SPATA45: variants seen among roughly 807,000 people sequenced by gnomAD.
SPATA45 encodes spermatogenesis associated 45.
Under a neutral mutation model 7.0 loss-of-function variants are expected in SPATA45, and 5 were observed. That is an observed-to-expected ratio of 0.71 (90% confidence interval 0.37 to 1.50). The LOEUF (loss-of-function observed/expected upper bound fraction) is 1.50. Ranked by LOEUF, SPATA45 falls within the 40% of genes most tolerant of loss-of-function variation. SPATA45 has a pLI of 0.03. For missense variants in SPATA45, 111 were observed against 114.9 expected (o/e 0.97, Z 0.16); for synonymous variants, 40 against 38.7 (o/e 1.03, Z -0.13).
At chr1:212,846,153 A>G (rs1037562372) in intron 1 of SPATA45, among the ~76,000 whole-genome samples, 1 of 152,092 alleles carries the variant, frequency 6.6e-6, no homozygotes, top group Non-Finnish European at 1.5e-5. Flanking sequence ...CAATCATTCT[A>G]TACGACAAAT....
rs1172233527 is a variant in SPATA45 at position 212,840,261 on chromosome 1, TTA to T, written c.-38-4076_-38-4075del. Among the ~76,000 whole-genome samples, 10 of 145,274 alleles carry T rather than the reference TTA, an allele frequency of 6.9e-5. No homozygotes were observed. The South Asian group carries it at 2.0e-3, about 30-fold the overall frequency. On this transcript the variant is annotated intron_variant, in intron 1 of 2. Coordinates refer to ENST00000332912, the MANE Select transcript of SPATA45 (RefSeq NM_001024601.3). Reference sequence around the variant, plus strand: ...CCCCGTCTTTACAAAAATACAAAACTTAGCCGGGCGTGGTGGCGCGCACCTGT... The same window carrying T: ...CCCCGTCTTTACAAAAATACAAAACTGCCGGGCGTGGTGGCGCGCACCTGT...
At position 212,830,225 on chromosome 1, in the gene SPATA45, G is replaced by A. The variant is rs1218963039; in HGVS notation, c.*17C>T. 7.9e-6 allele frequency: 12 copies of A among 1,514,338 alleles called. No homozygotes were observed. The highest frequency in any genetic ancestry group is 3.6e-6 in the Non-Finnish European group (4 of 1,099,820). The allele number at this position is 1,514,338 out of a possible 1,614,324, so 93.8% of individuals were successfully genotyped here. On this transcript the variant is annotated 3_prime_UTR_variant, in exon 3 of 3. Coordinates refer to ENST00000332912, the MANE Select transcript of SPATA45 (RefSeq NM_001024601.3). ...AATCAAAGAGAATGTATTTCCGTGT[G>A]TCTCTGGAGATGCACTTTATCCAAA...
chr1:212,830,185 G>A lies in SPATA45; in HGVS notation c.*57C>T. ...TAATTAATAATTTGTAAATAATTTA[G>A]ACACACTGAAGAAGAATCAAAGAGA... On this transcript the variant is annotated 3_prime_UTR_variant, in exon 3 of 3. Coordinates refer to ENST00000332912, the MANE Select transcript of SPATA45 (RefSeq NM_001024601.3). 8.0e-7 allele frequency: 1 copy of A among 1,247,062 alleles called. No individual in the cohort carries two copies. The highest frequency in any genetic ancestry group is 1.5e-5 in the African/African-American group (1 of 66,304). The allele number at this position is 1,247,062 out of a possible 1,614,324, so 77.2% of individuals were successfully genotyped here.
chr1:212,836,066 C>T lies in SPATA45; in HGVS notation c.84G>A (p.Lys28=), dbSNP rs779552198. The change falls in exon 2 of 3, where the codon AAG becomes AAA. Residue 28 remains lysine (K), a synonymous_variant. Coordinates refer to ENST00000332912, the MANE Select transcript of SPATA45 (RefSeq NM_001024601.3). The part of the protein sequence containing the change: ...KQHLLEEINK[K]RESNCLVERS... ...GTTCCACCAAGCAGTTGGATTCACG[C>T]TTTTTGTTTATCTCCTCCAGGAGAT... 9.3e-6 allele frequency: 15 copies of T among 1,610,458 alleles called. No individual in the cohort carries two copies. In the South Asian group the frequency reaches 1.7e-4, roughly 18 times the overall value.
intron 2 of SPATA45, among the ~76,000 whole-genome samples, chr1:212,834,506 A>C (rs1366766222): frequency 6.7e-6 from 1 of 150,090 alleles, no homozygotes; most frequent in African/African-American, 2.4e-5. Context: ...GCTGGAGTAC[A>C]CCGGAGTGAT....
At chr1:212,831,200 G>A (rs960763688) in intron 2 of SPATA45, among the ~76,000 whole-genome samples, 5 of 151,320 alleles carry the variant, frequency 3.3e-5, no homozygotes, top group African/African-American at 1.2e-4. Flanking sequence ...TGGGCACGGT[G>A]GCTCACGCCT....
chr1:212,842,510 T>C (rs971596195), intron 1 of SPATA45, among the ~76,000 whole-genome samples: 5 of 152,200 alleles, frequency 3.3e-5, no homozygotes, highest in African/African-American at 1.2e-4. Context: ...ACCTGACAAC[T>C]GGAGCTAAAT....
At chr1:212,834,624 C>T (rs1381031975) in intron 2 of SPATA45, among the ~76,000 whole-genome samples, 1 of 151,298 alleles carries the variant, frequency 6.6e-6, no homozygotes, top group Non-Finnish European at 1.5e-5. Flanking sequence ...CTAATTTTTG[C>T]ATTTTTAGTA....
intron 2 of SPATA45, among the ~76,000 whole-genome samples, chr1:212,835,382 C>T (rs1663568948): frequency 6.6e-6 from 1 of 151,126 alleles, no homozygotes. Context: ...AAAAATCAGT[C>T]AGACTTCGTG....
chr1:212,831,609 G>A lies in SPATA45; in HGVS notation c.278-1348C>T, dbSNP rs185737259. ...CCTTTTGGGCTCCACATCTCCAAGT[G>A]GAAGATTGAAAAGAGGGCCTGGAAA... On this transcript the variant is annotated intron_variant, in intron 2 of 2. Coordinates refer to ENST00000332912, the MANE Select transcript of SPATA45 (RefSeq NM_001024601.3). 2.1e-3 allele frequency among the ~76,000 whole-genome samples: 311 copies of A among 151,468 alleles called. 12 individuals are homozygous for A. Among genetic ancestry groups the A allele is most frequent in the Middle Eastern group, 0.014 (4 of 292 alleles).
chr1:212,840,145 G>A lies in SPATA45; in HGVS notation c.-38-3958C>T, dbSNP rs139929196. On this transcript the variant is annotated intron_variant, in intron 1 of 2. Transcript: ENST00000332912. ...TTAATTTTAGTGGGCCAGGCGCAGT[G>A]GCTCATGCCTGTAATCCCTGCACTT... is the stretch of plus-strand genomic sequence containing the variant. Among the ~76,000 whole-genome samples the A allele has an allele frequency of 8.5e-4, 129 of 151,524 alleles. 2 individuals carry two copies. The highest frequency in any genetic ancestry group is 3.0e-3 in the African/African-American group (124 of 41,448).
intron 1 of SPATA45, among the ~76,000 whole-genome samples, chr1:212,845,229 C>T (rs1663770666): frequency 6.6e-6 from 1 of 152,190 alleles, no homozygotes. Flanking sequence ...TCTCAGTGTT[C>T]CATCTACTAT....
intron 1 of SPATA45, among the ~76,000 whole-genome samples, chr1:212,841,801 AG>A (rs1329021428): frequency 6.6e-6 from 1 of 152,074 alleles, no homozygotes; most frequent in Non-Finnish European, 1.5e-5. Flanking sequence ...TCTGTCACCC[AG>A]GCTGGAGTGC....
At chr1:212,836,715 C>T (rs1289575597) in intron 1 of SPATA45, among the ~76,000 whole-genome samples, 4 of 151,138 alleles carry the variant, frequency 2.6e-5, no homozygotes, top group Non-Finnish European at 5.9e-5. Flanking sequence ...GTGGCTCGAT[C>T]TCAGCTCACT....
At chr1:212,844,314 G>A (rs994292806) in intron 1 of SPATA45, among the ~76,000 whole-genome samples, 5 of 151,976 alleles carry the variant, frequency 3.3e-5, no homozygotes, top group Non-Finnish European at 5.9e-5. Context: ...CACACTTGAC[G>A]CATATACTTT....
At chr1:212,830,474 A>T (rs1663465938) in intron 2 of SPATA45, among the ~76,000 whole-genome samples, 1 of 150,720 alleles carries the variant, frequency 6.6e-6, no homozygotes, top group African/African-American at 2.4e-5. Flanking sequence ...GATCGAGACC[A>T]TCCTGGCCAA....
intron 1 of SPATA45, among the ~76,000 whole-genome samples, chr1:212,844,941 G>A (rs2102515089): frequency 6.6e-6 from 1 of 152,258 alleles, no homozygotes; most frequent in South Asian, 2.1e-4. Context: ...AACCAAAGAA[G>A]CAGCTAGCCT....
chr1:212,830,337 G>A, intron 2 of SPATA45, 76 bp from the exon 3 acceptor site: 1 of 878,428 alleles, frequency 1.1e-6, no homozygotes, highest in Non-Finnish European at 1.8e-6. Flanking sequence ...TAACCCTGGA[G>A]GGCAGAGTAT....
At chr1:212,840,952 TC>T (rs761801634) in intron 1 of SPATA45, among the ~76,000 whole-genome samples, 4 of 151,762 alleles carry the variant, frequency 2.6e-5, no homozygotes, top group Admixed American at 6.6e-5. Context: ...CTCTCTCTCT[TC>T]TTTTTTGAGG....
Sources: allele counts gnomAD v4.1 joint callset (sites outside exome capture counted in the v4.1 genomes callset), GRCh38; gene constraint gnomAD v4.1.1; transcripts MANE v1.5; gene names NCBI Gene and HGNC (gene_info 2026-07-23, HGNC 2026-07-21).